CSMD1: variants seen among roughly 807,000 people sequenced by gnomAD.
CSMD1 encodes CUB and Sushi multiple domains 1.
CSMD1 carries 213 observed loss-of-function variants against 417.5 expected under a neutral mutation model. The observed-to-expected ratio is 0.51, with a 90% confidence interval of 0.46 to 0.57. The LOEUF (loss-of-function observed/expected upper bound fraction) is 0.57. CSMD1 is among the 20% of genes least tolerant of loss of function. The probability of loss-of-function intolerance (pLI) is 0.00; values close to 1 mark genes in which losing one functional copy is unlikely to be tolerated. For synonymous variants in CSMD1, 2,862 were observed against 1,736.8 expected (o/e 1.65, Z -16.11); for missense variants, 6,923 against 4,529.7 (o/e 1.53, Z -15.17).
chr8:3,829,221 T>C (rs569206976), intron 5 of CSMD1, among the ~76,000 whole-genome samples: 1 of 152,252 alleles, frequency 6.6e-6, no homozygotes, highest in South Asian at 2.1e-4. Flanking sequence ...ATTGTATCCT[T>C]CTTATGCCTT....
intron 8 of CSMD1, among the ~76,000 whole-genome samples, chr8:3,589,628 G>A (rs1236534729): frequency 1.3e-5 from 2 of 151,990 alleles, no homozygotes; most frequent in Admixed American, 1.3e-4. Flanking sequence ...GGAAGGAGAG[G>A]AAACAAATAA....
In CSMD1 at chr8:3,774,761, T is replaced by C. The variant is rs532487613; in HGVS notation, c.819-20719A>G. On this transcript the variant is annotated intron_variant, in intron 5 of 69. Transcript: ENST00000635120. ...AAAGGATTTCTATTTACTATTCTAA[T>C]GAGTACAATATGGATGACACAGTGT... 2.6e-5 allele frequency among the ~76,000 whole-genome samples: 4 copies of C among 152,334 alleles called. No individual in the cohort carries two copies. In the South Asian group the frequency reaches 6.2e-4, roughly 24 times the overall value.
chr8:4,800,770 A>C (rs7014556), intron 1 of CSMD1, among the ~76,000 whole-genome samples: 1 of 152,064 alleles, frequency 6.6e-6, no homozygotes, highest in Non-Finnish European at 1.5e-5. Flanking sequence ...CTTTTGGGTG[A>C]GACACCACCT....
intron 6 of CSMD1, among the ~76,000 whole-genome samples, chr8:3,742,637 C>T (rs1013592620): frequency 6.6e-6 from 1 of 152,082 alleles, no homozygotes; most frequent in Admixed American, 6.5e-5. Context: ...TCCTTCTGCT[C>T]GTCCTGAAGG....
intron 10 of CSMD1, among the ~76,000 whole-genome samples, chr8:3,501,493 G>A (rs910759633): frequency 6.6e-6 from 1 of 152,116 alleles, no homozygotes; most frequent in Non-Finnish European, 1.5e-5. Context: ...ATATAAATCA[G>A]TACCAAGACC....
chr8:4,234,204 G>C (rs538467779), intron 3 of CSMD1, among the ~76,000 whole-genome samples: 12 of 152,294 alleles, frequency 7.9e-5, no homozygotes, highest in African/African-American at 2.9e-4. Flanking sequence ...AAGATGAACA[G>C]AAAAGACATC....
chr8:4,409,013 A>T (rs564485885), intron 3 of CSMD1, among the ~76,000 whole-genome samples: 1 of 152,326 alleles, frequency 6.6e-6, no homozygotes, highest in African/African-American at 2.4e-5. Flanking sequence ...CTCTGAAGAC[A>T]AAACAAATAT....
intron 2 of CSMD1, among the ~76,000 whole-genome samples, chr8:4,468,142 C>G (rs1189356482): frequency 2.0e-5 from 3 of 152,172 alleles, no homozygotes; most frequent in African/African-American, 4.8e-5. Flanking sequence ...CTAAAAAAAG[C>G]CTACAGCTCT....
chr8:3,054,443 C>T (rs1024368484), intron 49 of CSMD1, among the ~76,000 whole-genome samples: 1 of 152,058 alleles, frequency 6.6e-6, no homozygotes, highest in African/African-American at 2.4e-5. Flanking sequence ...CATGGTGAAA[C>T]CCTGTCTCTA....
intron 54 of CSMD1, among the ~76,000 whole-genome samples, chr8:2,995,421 C>T (rs1448336750): frequency 1.3e-5 from 2 of 152,176 alleles, no homozygotes; most frequent in African/African-American, 4.8e-5. Flanking sequence ...TGTAGAGAAA[C>T]TTCATCGCCC....
chr8:3,211,537 A>T (rs1369068596), intron 30 of CSMD1, among the ~76,000 whole-genome samples: 5 of 152,226 alleles, frequency 3.3e-5, no homozygotes, highest in Non-Finnish European at 7.3e-5. Context: ...TTTGGAAACC[A>T]GTTACATACA....
At chr8:4,294,416 A>G (rs560453528) in intron 3 of CSMD1, among the ~76,000 whole-genome samples, 17 of 152,278 alleles carry the variant, frequency 1.1e-4, no homozygotes, top group Non-Finnish European at 2.4e-4. Flanking sequence ...TGAATAGCTA[A>G]TGTTTATCAG....
At chr8:4,196,534 G>A (rs935725671) in intron 3 of CSMD1, among the ~76,000 whole-genome samples, 1 of 152,062 alleles carries the variant, frequency 6.6e-6, no homozygotes, top group Non-Finnish European at 1.5e-5. Context: ...TTCCTTGCTG[G>A]CTGTAAACTG....
At chr8:3,478,403 C>G (rs955652819) in intron 11 of CSMD1, among the ~76,000 whole-genome samples, 12 of 152,186 alleles carry the variant, frequency 7.9e-5, no homozygotes, top group African/African-American at 2.4e-4. Flanking sequence ...AGTATATGGA[C>G]TGCCAGTCCT....
In CSMD1 at chr8:3,529,036, G is replaced by A. The variant is rs185988840; in HGVS notation, c.1345-35310C>T. ...TATTATCAATCTCAACAGAGCTTTC[G>A]AACAAGGCTCACTTTAGTACAAGCT... On this transcript the variant is annotated intron_variant, in intron 10 of 69. Coordinates refer to ENST00000635120, the MANE Select transcript of CSMD1 (RefSeq NM_033225.6). Among the ~76,000 whole-genome samples, 72 of 152,186 alleles carry A rather than the reference G, an allele frequency of 4.7e-4. No individual in the cohort carries two copies. In the South Asian group the frequency reaches 5.2e-3, roughly 11 times the overall value.
At chr8:4,571,173 G>C (rs1351262435) in intron 2 of CSMD1, among the ~76,000 whole-genome samples, 1 of 152,024 alleles carries the variant, frequency 6.6e-6, no homozygotes, top group East Asian at 1.9e-4. Flanking sequence ...GTTATTTCTT[G>C]TCTTCTGCTA....
chr8:4,360,602 G>A (rs904644387), intron 3 of CSMD1, among the ~76,000 whole-genome samples: 3 of 151,992 alleles, frequency 2.0e-5, no homozygotes, highest in Non-Finnish European at 4.4e-5. Context: ...TCATTCTCCT[G>A]CCTCAGCCTC....
Position 3,959,745 on chromosome 8 carries a change from C to T in CSMD1, c.818+38158G>A, listed in dbSNP as rs575919157. ...GTTTTGAAACTGCAGCGGGAACACA[C>T]TCAAACTTAGGTATGTCTTCAGTTT... On this transcript the variant is annotated intron_variant, in intron 5 of 69. Transcript: ENST00000635120. Among the ~76,000 whole-genome samples the T allele has an allele frequency of 6.6e-5, 10 of 152,292 alleles. No homozygotes were observed. In the East Asian group the frequency reaches 1.5e-3, roughly 23 times the overall value.
At chr8:3,572,593 A>G (rs1339815967) in intron 10 of CSMD1, among the ~76,000 whole-genome samples, 3 of 152,222 alleles carry the variant, frequency 2.0e-5, no homozygotes, top group Non-Finnish European at 4.4e-5. Flanking sequence ...TGATCTAATT[A>G]ATTCCTTTTA....
Sources: gnomAD v4.1 joint callset for allele counts (sites outside exome capture counted in the v4.1 genomes callset) on GRCh38, gnomAD v4.1.1 for gene constraint, MANE v1.5 for transcripts, NCBI Gene and HGNC (gene_info 2026-07-23, HGNC 2026-07-21) for gene names.